SPATA18: variants seen among roughly 807,000 people sequenced by gnomAD.
The protein encoded by SPATA18 is mitochondria-eating protein.
Under a neutral mutation model 68.1 loss-of-function variants are expected in SPATA18, and 54 were observed. The observed-to-expected ratio is 0.79, with a 90% CI of 0.64 to 0.99. The LOEUF is 0.99. SPATA18 is among the 50% of genes least tolerant of loss of function. The pLI is 0.00. For missense variants in SPATA18, 724 were observed against 681.1 expected, an observed-to-expected ratio of 1.06 and a Z score of -0.70; for synonymous variants, 242 against 244.8, an observed-to-expected ratio of 0.99 and a Z score of 0.11.
rs947523403 is a variant in SPATA18, at chr4:52,094,945, C to T, written c.*58C>T. ...TGGAAACAGCTGCTTTCTCCAGTGC[C>T]GCCATCTGTCTTCTGTGTCTGCCTC... On this transcript the variant is annotated 3_prime_UTR_variant, in exon 13 of 13. Coordinates refer to ENST00000295213, the MANE Select transcript of SPATA18 (RefSeq NM_145263.4). 58 of 1,605,144 alleles carry T rather than the reference C, an allele frequency of 3.6e-5. No homozygotes were observed. The highest frequency in any genetic ancestry group is 3.6e-4 in the East Asian group (16 of 44,856).
At chr4:52,053,457 A>G (rs1030762384) in intron 1 of SPATA18, among the ~76,000 whole-genome samples, 11 of 152,118 alleles carry the variant, frequency 7.2e-5, no homozygotes, top group Non-Finnish European at 1.6e-4. Context: ...TGACACCTGT[A>G]TTCTTCCCCC....
intron 1 of SPATA18, among the ~76,000 whole-genome samples, chr4:52,058,307 G>A (rs1578146595): frequency 6.6e-6 from 1 of 152,224 alleles, no homozygotes; most frequent in Non-Finnish European, 1.5e-5. Context: ...TTTTTGGGAG[G>A]AGAGATTAGA....
At chr4:52,081,663 C>T (rs1239065370) in intron 9 of SPATA18, among the ~76,000 whole-genome samples, 8 of 152,164 alleles carry the variant, frequency 5.3e-5, no homozygotes, top group African/African-American at 1.9e-4. Context: ...CAACTGAAAC[C>T]TGCTGTATTT....
rs752379743 is a variant in SPATA18 at position 52,078,833 on chromosome 4, T to A, written c.1119T>A (p.Asn373Lys). ...ATGTGGGGTCGAATGACTTTGAGAA[T>A]GCTGTCTTGGATTATGTCATTTGTC... ...PSYVGSNDFE[N>K]AVLDYVICHL... Residue 373 changes from asparagine (N) to lysine (K), a missense_variant, in exon 8 of 13, where the codon AAT (asparagine) becomes AAA (lysine). By Grantham distance (94) the Asn-to-Lys change is moderately conservative. Transcript: ENST00000295213. 1 of 1,609,744 alleles carries A rather than the reference T, an allele frequency of 6.2e-7. No individual in the cohort carries two copies. Among genetic ancestry groups the A allele is most frequent in the Non-Finnish European group, 8.5e-7 (1 of 1,176,410 alleles).
In SPATA18 at chr4:52,060,511, A is replaced by G. The variant is rs1738739149; in HGVS notation, c.180A>G (p.Ala60=). 6.2e-7 allele frequency: 1 copy of G among 1,613,994 alleles called. No individual in the cohort carries two copies. Reference sequence around the variant, plus strand: ...GACAACTCTTTGGGATCCTCACAGCAGCAGCCCAAGAAGGTGAGAATGGCC... The same window carrying G: ...GACAACTCTTTGGGATCCTCACAGCGGCAGCCCAAGAAGGTGAGAATGGCC... ...VQGQLFGILT[A]AAQEGGRNDG... is the part of the protein sequence containing the mutation. Residue 60 remains alanine (A), a synonymous_variant, in exon 2 of 13, where the codon GCA becomes GCG. Transcript: ENST00000295213.
chr4:52,081,934 A>G (rs887622761), intron 9 of SPATA18, among the ~76,000 whole-genome samples: 1 of 12,462 alleles, frequency 8.0e-5, no homozygotes, highest in Non-Finnish European at 0.011. Flanking sequence ...AGCCCTCAGC[A>G]TCTTCCTTCA....
intron 1 of SPATA18, among the ~76,000 whole-genome samples, chr4:52,054,790 A>G (rs781472615): frequency 2.0e-5 from 3 of 151,590 alleles, no homozygotes; most frequent in Non-Finnish European, 2.9e-5. Flanking sequence ...GGGATCAGTT[A>G]GTCAGAGTCT....
In SPATA18 at chr4:52,077,494, C is replaced by CAT. The variant is rs935723645; in HGVS notation, c.1020+463_1020+464dup. Among the ~76,000 whole-genome samples the CAT allele has an allele frequency of 6.6e-5, 10 of 151,374 alleles. No individual in the cohort carries two copies. In the East Asian group the frequency reaches 7.8e-4, roughly 12 times the overall value. Reference sequence around the variant, plus strand: ...ATCATCTTCACAATCGATAACTATTCATATATATATGAATAGTTATATAAT... The same window carrying CAT: ...ATCATCTTCACAATCGATAACTATTCATATATATATATGAATAGTTATATAAT... On this transcript the variant is annotated intron_variant, in intron 7 of 12. Coordinates refer to ENST00000295213, the MANE Select transcript of SPATA18 (RefSeq NM_145263.4).
At chr4:52,070,881 G>A (rs938020657) in intron 5 of SPATA18, among the ~76,000 whole-genome samples, 3 of 39,868 alleles carry the variant, frequency 7.5e-5, no homozygotes, top group African/African-American at 4.1e-4. Context: ...AAGAGTAAGT[G>A]GGGGGGGGGG....
At chr4:52,072,250 C>A (rs1036728976) in intron 6 of SPATA18, 94 bp downstream of exon 6, 1 of 1,524,010 alleles carries the variant, frequency 6.6e-7, no homozygotes, top group East Asian at 2.3e-5. Context: ...TAAAATGATA[C>A]CCTGAACCAA....
At chr4:52,057,466 T>A (rs748033834) in intron 1 of SPATA18, among the ~76,000 whole-genome samples, 2 of 152,190 alleles carry the variant, frequency 1.3e-5, no homozygotes, top group Non-Finnish European at 2.9e-5. Context: ...TGGCATAGGA[T>A]ATTCTCTCCT....
In SPATA18 at chr4:52,051,820, T is replaced by G. The variant is rs1433588048; in HGVS notation, c.87+29T>G. Reference sequence around the variant, plus strand: ...AGTCTGGGTGAAAAACCCCCGGGGTTCGCCCTCCCATAGGTTCCAGCACAG... The same window carrying G: ...AGTCTGGGTGAAAAACCCCCGGGGTGCGCCCTCCCATAGGTTCCAGCACAG... On this transcript the variant is annotated intron_variant, in intron 1 of 12. Transcript: ENST00000295213. 1.9e-6 allele frequency: 3 copies of G among 1,598,008 alleles called. No individual in the cohort carries two copies. In the South Asian group the frequency reaches 3.3e-5, roughly 18 times the overall value.
intron 3 of SPATA18, 120 bp from the exon 4 acceptor site, chr4:52,062,100 A>G (rs897403781): frequency 2.4e-5 from 15 of 624,970 alleles, no homozygotes; most frequent in Non-Finnish European, 4.2e-5. Flanking sequence ...CTAGAACTTC[A>G]TGTGCATGGA....
At chr4:52,085,911 TAAAC>T (rs1741390674) in intron 11 of SPATA18, among the ~76,000 whole-genome samples, 1 of 151,902 alleles carries the variant, frequency 6.6e-6, no homozygotes, top group African/African-American at 2.4e-5. Flanking sequence ...GATCCTGTCT[TAAAC>T]AAAAGAAAAC....
At chr4:52,064,533 T>C (rs1386207717) in intron 4 of SPATA18, among the ~76,000 whole-genome samples, 1 of 152,170 alleles carries the variant, frequency 6.6e-6, no homozygotes, top group Non-Finnish European at 1.5e-5. Flanking sequence ...TGGTATTTGG[T>C]TTTCCATTCC....
intron 10 of SPATA18, among the ~76,000 whole-genome samples, chr4:52,083,763 A>G (rs1741157479): frequency 1.5e-5 from 2 of 131,500 alleles, no homozygotes; most frequent in Admixed American, 8.4e-5. Flanking sequence ...TTTTTTTGAG[A>G]TGGAGTCTCG....
At chr4:52,059,572 A>G (rs1224351242) in intron 1 of SPATA18, among the ~76,000 whole-genome samples, 1 of 152,210 alleles carries the variant, frequency 6.6e-6, no homozygotes, top group Non-Finnish European at 1.5e-5. Context: ...AAGTCTGGCT[A>G]ATTTCACCTT....
chr4:52,072,193 C>T, intron 6 of SPATA18, 37 bp downstream of exon 6: 2 of 1,607,916 alleles, frequency 1.2e-6, no homozygotes, highest in South Asian at 1.1e-5. Flanking sequence ...CATTTAGGCT[C>T]TTTTTGCTGA....
chr4:52,054,509 T>A (rs1405510201), intron 1 of SPATA18, among the ~76,000 whole-genome samples: 2 of 152,188 alleles, frequency 1.3e-5, no homozygotes, highest in African/African-American at 4.8e-5. Context: ...CAGGTAATAT[T>A]CACGAAGGGG....
Sources: gnomAD v4.1 joint callset for allele counts (sites outside exome capture counted in the v4.1 genomes callset) on GRCh38, gnomAD v4.1.1 for gene constraint, MANE v1.5 for transcripts, NCBI Gene and HGNC (gene_info 2026-07-23, HGNC 2026-07-21) for gene names.